The following AGPS variants were observed in gnomAD, a reference collection of about 807,000 sequenced individuals.
AGPS encodes alkylglycerone phosphate synthase.
AGPS carries 26 observed loss-of-function variants against 90.7 expected under a neutral mutation model. The observed-to-expected ratio is 0.29, with a 90% confidence interval of 0.21 to 0.40. AGPS has a LOEUF of 0.40. AGPS is among the 10% of genes least tolerant of loss of function. AGPS has a pLI of 1.00. For missense variants in AGPS, 540 were observed against 816.1 expected (o/e 0.66, Z 4.12); for synonymous variants, 294 against 285.3 (o/e 1.03, Z -0.31).
intron 1 of AGPS, among the ~76,000 whole-genome samples, chr2:177,413,067 C>T (rs1685669453): frequency 6.6e-6 from 1 of 152,104 alleles, no homozygotes; most frequent in South Asian, 2.1e-4. Context: ...GGAGCCATAA[C>T]AAACACAGAC....
intron 1 of AGPS, among the ~76,000 whole-genome samples, chr2:177,412,818 A>C (rs1038404464): frequency 6.6e-6 from 1 of 152,144 alleles, no homozygotes; most frequent in South Asian, 2.1e-4. Context: ...GCCATGGGTC[A>C]TGGAACAGAA....
At chr2:177,425,141 A>G (rs1426742715) in intron 2 of AGPS, among the ~76,000 whole-genome samples, 1 of 152,130 alleles carries the variant, frequency 6.6e-6, no homozygotes, top group East Asian at 1.9e-4. Context: ...TTTGTCGTGA[A>G]ATCTTTGCCC....
Position 177,543,724 on chromosome 2 carries a change from G to GT in AGPS, c.*5530dup, listed in dbSNP as rs1235602234. On this transcript the variant is annotated 3_prime_UTR_variant, in exon 20 of 20. Transcript: ENST00000264167. The stretch of plus-strand genomic sequence containing the variant: ...AGTCAGTATTCCGTGCTTTCAGTGT[G>GT]TGTTCAGATTCTCCTCTTACTGGTT... 1.3e-5 allele frequency: 2 copies of GT among 152,204 alleles called. No homozygotes were observed. The highest frequency in any genetic ancestry group is 2.4e-5 in the African/African-American group (1 of 41,458). The allele number at this position is 152,204 out of a possible 1,614,324, so 9.4% of individuals were successfully genotyped here. A position where few individuals can be genotyped will look rare whatever the true frequency, so the allele number is the denominator to read the frequency against.
chr2:177,415,312 G>A (rs1685755613), intron 1 of AGPS, among the ~76,000 whole-genome samples: 1 of 152,128 alleles, frequency 6.6e-6, no homozygotes, highest in African/African-American at 2.4e-5. Context: ...ATATACCCAG[G>A]AGTTGTATAG....
intron 11 of AGPS, 63 bp from the exon 12 acceptor site, chr2:177,493,085 T>A: frequency 1.4e-6 from 2 of 1,382,716 alleles, no homozygotes; most frequent in Admixed American, 3.4e-5. Flanking sequence ...ATATTCACAT[T>A]CTACCTGTCT....
At chr2:177,511,378 A>T (rs922099499) in intron 16 of AGPS, among the ~76,000 whole-genome samples, 2 of 152,086 alleles carry the variant, frequency 1.3e-5, no homozygotes, top group African/African-American at 4.8e-5. Context: ...GATTACAGGC[A>T]TGAGCCACTG....
rs191092293 is a variant in AGPS at position 177,435,450 on chromosome 2, C to G, written c.441+1033C>G. On this transcript the variant is annotated intron_variant, in intron 3 of 19. Transcript: ENST00000264167. ...TTTTGACATTGATACAATCCACATACTATAGTTAGAAATTTCACCAGGTTT... is the reference window on the plus strand; with the variant it reads ...TTTTGACATTGATACAATCCACATAGTATAGTTAGAAATTTCACCAGGTTT... Among the ~76,000 whole-genome samples, 21 of 152,216 alleles carry G rather than the reference C, an allele frequency of 1.4e-4. No individual in the cohort carries two copies. The East Asian group carries it at 3.9e-3, about 28-fold the overall frequency.
At chr2:177,426,536 A>G (rs1042581332) in intron 2 of AGPS, among the ~76,000 whole-genome samples, 1 of 152,202 alleles carries the variant, frequency 6.6e-6, no homozygotes, top group Non-Finnish European at 1.5e-5. Context: ...AGTTTGTTAT[A>G]TATGGCTCTT....
chr2:177,509,743 T>C (rs1003530864), intron 16 of AGPS, among the ~76,000 whole-genome samples: 3 of 152,128 alleles, frequency 2.0e-5, no homozygotes, highest in East Asian at 3.8e-4. Context: ...TGAAATTAGT[T>C]TTTATTTTTA....
chr2:177,424,209 G>A lies in AGPS; in HGVS notation c.350+3851G>A, dbSNP rs191412351. ...CTCCCACTTATAAGTGAGAACATGC[G>A]GTGTTTGGTTTTCTGTTCCTGTGTT... On this transcript the variant is annotated intron_variant, in intron 2 of 19. Transcript: ENST00000264167. Among the ~76,000 whole-genome samples the A allele has an allele frequency of 2.2e-3, 341 of 152,200 alleles. 1 individual carries two copies. The highest frequency in any genetic ancestry group is 7.7e-3 in the African/African-American group (319 of 41,506).
intron 1 of AGPS, among the ~76,000 whole-genome samples, chr2:177,404,625 A>G (rs1685417865): frequency 6.6e-6 from 1 of 152,104 alleles, no homozygotes; most frequent in African/African-American, 2.4e-5. Context: ...ATATTAATCT[A>G]TTTTGTTTTG....
chr2:177,502,787 T>C (rs1179754766), intron 14 of AGPS, among the ~76,000 whole-genome samples: 1 of 152,194 alleles, frequency 6.6e-6, no homozygotes, highest in Non-Finnish European at 1.5e-5. Flanking sequence ...CCAGAAGTTC[T>C]AGTATCCCAC....
intron 8 of AGPS, among the ~76,000 whole-genome samples, chr2:177,461,351 A>G (rs1687288292): frequency 6.6e-6 from 1 of 152,264 alleles, no homozygotes; most frequent in African/African-American, 2.4e-5. Flanking sequence ...ACGTTATTAC[A>G]TGCAGGAAAC....
chr2:177,524,787 A>G (rs1028208356), intron 19 of AGPS, among the ~76,000 whole-genome samples: 2 of 152,200 alleles, frequency 1.3e-5, no homozygotes, highest in Non-Finnish European at 2.9e-5. Flanking sequence ...AGCACCTAGA[A>G]CAGTGCTTAG....
chr2:177,535,777 T>C (rs539271795), intron 19 of AGPS, among the ~76,000 whole-genome samples: 5 of 152,146 alleles, frequency 3.3e-5, no homozygotes, highest in South Asian at 4.1e-4. Flanking sequence ...TAAACCAAGA[T>C]TTCTGACCCC....
chr2:177,399,773 C>T (rs903691836), intron 1 of AGPS, among the ~76,000 whole-genome samples: 20 of 152,222 alleles, frequency 1.3e-4, no homozygotes, highest in African/African-American at 4.6e-4. Flanking sequence ...GTGGCTCCTT[C>T]CACCAGGATA....
chr2:177,460,068 G>A (rs1448735150), intron 8 of AGPS, among the ~76,000 whole-genome samples: 1 of 152,174 alleles, frequency 6.6e-6, no homozygotes, highest in East Asian at 1.9e-4. Flanking sequence ...CACAAGATCA[G>A]AAAACAAAAC....
rs183233661 is a variant in AGPS, at chr2:177,499,964, G to A, written c.1475+234G>A. ...GAAGTTAGATTGATATGTTGCTCTT[G>A]TCTAATCATATATATATTATTATTA... is the stretch of plus-strand genomic sequence containing the variant. On this transcript the variant is annotated intron_variant, in intron 14 of 19. Transcript: ENST00000264167. Among the ~76,000 whole-genome samples the A allele has an allele frequency of 1.1e-4, 16 of 151,848 alleles. No homozygotes were observed. In the East Asian group the frequency reaches 2.5e-3, roughly 24 times the overall value.
chr2:177,527,901 A>G (rs1376511218), intron 19 of AGPS, among the ~76,000 whole-genome samples: 1 of 152,216 alleles, frequency 6.6e-6, no homozygotes, highest in East Asian at 1.9e-4. Flanking sequence ...TGTGGTCAAA[A>G]TATGACCGCA....
Sources: gnomAD v4.1 joint callset for allele counts (sites outside exome capture counted in the v4.1 genomes callset) on GRCh38, gnomAD v4.1.1 for gene constraint, MANE v1.5 for transcripts, NCBI Gene and HGNC (gene_info 2026-07-23, HGNC 2026-07-21) for gene names.